Variants in MS4A8 observed in about 807,000 individuals in gnomAD.
MS4A8 encodes the protein membrane-spanning 4-domains subfamily A member 8.
In MS4A8, 27 loss-of-function variants were observed where a neutral mutation model predicts 23.7. That is an observed-to-expected ratio of 1.14 (90% CI 0.84 to 1.57). MS4A8 has a LOEUF of 1.57. Ranked by LOEUF, MS4A8 falls within the 40% of genes most tolerant of loss-of-function variation. MS4A8 has a pLI of 0.00. For missense variants in MS4A8, 301 were observed against 311.4 expected, an observed-to-expected ratio of 0.97 and a Z score of 0.25; for synonymous variants, 138 against 126.3, an observed-to-expected ratio of 1.09 and a Z score of -0.62.
intron 5 of MS4A8, chr11:60,712,508 T>C: frequency 3.0e-6 from 3 of 985,050 alleles, no homozygotes; most frequent in Non-Finnish European, 3.6e-6. Flanking sequence ...ATTGAGATAA[T>C]TGAGGCCGGT....
chr11:60,701,769 C>T (rs2088206730), intron 2 of MS4A8, among the ~76,000 whole-genome samples: 1 of 152,172 alleles, frequency 6.6e-6, no homozygotes, highest in South Asian at 2.1e-4. Flanking sequence ...TATGTATGAG[C>T]TTATTCATTG....
At chr11:60,710,774 C>T (rs1165688223) in intron 5 of MS4A8, among the ~76,000 whole-genome samples, 1 of 152,306 alleles carries the variant, frequency 6.6e-6, no homozygotes, top group East Asian at 1.9e-4. Context: ...GTGCCCCCCG[C>T]CCCTGGCTCT....
intron 4 of MS4A8, among the ~76,000 whole-genome samples, chr11:60,708,174 T>C (rs1176260181): frequency 6.6e-6 from 1 of 152,090 alleles, no homozygotes; most frequent in East Asian, 1.9e-4. Context: ...AGAACACTTC[T>C]CCCATGATAT....
intron 5 of MS4A8, among the ~76,000 whole-genome samples, chr11:60,711,116 T>C (rs2088296917): frequency 6.6e-6 from 1 of 152,226 alleles, no homozygotes; most frequent in Non-Finnish European, 1.5e-5. Context: ...TTACTGCCTG[T>C]CCCTAGAATG....
chr11:60,707,324 G>T (rs947988776), intron 4 of MS4A8, among the ~76,000 whole-genome samples: 10 of 152,308 alleles, frequency 6.6e-5, no homozygotes, highest in African/African-American at 2.4e-4. Context: ...GAGAGAGAGA[G>T]AGAGAGAGAT....
At chr11:60,714,691 G>A (rs919453769) in intron 5 of MS4A8, among the ~76,000 whole-genome samples, 7 of 151,722 alleles carry the variant, frequency 4.6e-5, no homozygotes, top group Non-Finnish European at 8.8e-5. Context: ...TCCTACCGAC[G>A]GCCTCCCCAG....
At position 60,703,424 on chromosome 11, in the gene MS4A8, T is replaced by A; in HGVS notation, c.266T>A (p.Ile89Asn). ...IGLAHIGLGS[I>N]MATVLVGEYL... The stretch of plus-strand genomic sequence containing the variant: ...CTGGCTCACATCGGCCTCGGCTCCA[T>A]CATGGCGACGGTTCTCGTAGGGGAA... The change falls in exon 3 of 7, where the codon ATC (isoleucine) becomes AAC (asparagine). Residue 89 changes from isoleucine to asparagine, a missense_variant. Physicochemically the swap from Ile to Asn is moderately radical, Grantham distance 149. Coordinates refer to ENST00000300226, the MANE Select transcript of MS4A8 (RefSeq NM_031457.2). 1.9e-6 allele frequency: 3 copies of A among 1,604,758 alleles called. No homozygotes were observed. The highest frequency in any genetic ancestry group is 2.6e-6 in the Non-Finnish European group (3 of 1,176,308).
In MS4A8 at chr11:60,703,395, T is replaced by C; in HGVS notation, c.237T>C (p.Ile79=). The change falls in exon 3 of 7, where the codon ATT becomes ATC. Residue 79 remains isoleucine, a synonymous_variant. Transcript: ENST00000300226. ...CCTGACAGGCCATCCAGATCATCAT[T>C]GGCCTGGCTCACATCGGCCTCGGCT... is the stretch of plus-strand genomic sequence containing the variant. ...GKTLGAIQII[I]GLAHIGLGSI... 6.3e-7 allele frequency: 1 copy of C among 1,591,410 alleles called. No homozygotes were observed. The highest frequency in any genetic ancestry group is 1.1e-5 in the South Asian group (1 of 87,506).
intron 2 of MS4A8, chr11:60,701,505 C>G: frequency 2.8e-6 from 1 of 358,680 alleles, no homozygotes. Context: ...ATGGTCACCG[C>G]AACCCCTGAG....
intron 5 of MS4A8, among the ~76,000 whole-genome samples, chr11:60,712,719 A>G (rs770508105): frequency 8.6e-5 from 13 of 151,980 alleles, no homozygotes; most frequent in Non-Finnish European, 1.9e-4. Flanking sequence ...GCTTCAACCC[A>G]GGAGGCGGAG....
intron 5 of MS4A8, 27 bp from the exon 6 acceptor site, chr11:60,714,994 T>C (rs761804325): frequency 1.3e-6 from 2 of 1,546,436 alleles, no homozygotes; most frequent in Non-Finnish European, 1.8e-6. Context: ...CCCGTGCTCC[T>C]GTCCTCCCCA....
intron 5 of MS4A8, 141 bp downstream of exon 5, chr11:60,708,922 A>G: frequency 9.9e-7 from 1 of 1,009,178 alleles, no homozygotes; most frequent in Non-Finnish European, 1.5e-6. Flanking sequence ...AACAAATTTT[A>G]AAGTCCTTGA....
intron 2 of MS4A8, 77 bp downstream of exon 2, chr11:60,701,156 T>C: frequency 7.3e-7 from 1 of 1,365,760 alleles, no homozygotes; most frequent in Non-Finnish European, 1.0e-6. Context: ...GCCTGGGAAA[T>C]ACACAAACAC....
chr11:60,708,307 C>T (rs1377997281), intron 4 of MS4A8, among the ~76,000 whole-genome samples: 1 of 152,160 alleles, frequency 6.6e-6, no homozygotes, highest in Admixed American at 6.5e-5. Context: ...TTACCTTTGC[C>T]CAACCCAGCT....
In MS4A8 at chr11:60,715,758, A is replaced by G. The variant is rs1013823601; in HGVS notation, c.*344A>G. ...AGAGGAACAAATATCTAGACATTCA[A>G]TCTTCACTCTTTCAATTGTGCATTC... is the stretch of plus-strand genomic sequence containing the variant. On this transcript the variant is annotated 3_prime_UTR_variant, in exon 7 of 7. Coordinates refer to ENST00000300226, the MANE Select transcript of MS4A8 (RefSeq NM_031457.2). 2 of 294,928 alleles carry G rather than the reference A, an allele frequency of 6.8e-6. No homozygotes were observed. The highest frequency in any genetic ancestry group is 1.3e-5 in the Non-Finnish European group (2 of 155,356). The allele number at this position is 294,928 out of a possible 1,614,324, so 18.3% of individuals were successfully genotyped here.
At chr11:60,715,287 C>A (rs1351442107) in intron 6 of MS4A8, 23 bp from the exon 7 acceptor site, 2 of 1,604,428 alleles carry the variant, frequency 1.2e-6, no homozygotes, top group East Asian at 2.2e-5. Flanking sequence ...TTAGCATGCC[C>A]CCTGTGTGCC....
At chr11:60,706,364 C>T (rs907424398) in intron 3 of MS4A8, among the ~76,000 whole-genome samples, 5 of 152,126 alleles carry the variant, frequency 3.3e-5, no homozygotes, top group South Asian at 2.1e-4. Flanking sequence ...TCATCATCCT[C>T]GTATTTGATG....
chr11:60,703,336 C>T (rs1005478826), intron 2 of MS4A8, 42 bp from the exon 3 acceptor site: 9 of 1,493,080 alleles, frequency 6.0e-6, no homozygotes, highest in Admixed American at 2.6e-5. Context: ...AGGCAGGACC[C>T]AGCCTCAGAA....
intron 5 of MS4A8, among the ~76,000 whole-genome samples, chr11:60,710,517 A>G (rs2088291846): frequency 6.6e-6 from 1 of 152,140 alleles, no homozygotes; most frequent in Non-Finnish European, 1.5e-5. Context: ...AAATGCATTC[A>G]GAATCCCACC....
Sources: gnomAD v4.1 joint callset for allele counts (sites outside exome capture counted in the v4.1 genomes callset) on GRCh38, gnomAD v4.1.1 for gene constraint, MANE v1.5 for transcripts, NCBI Gene and HGNC (gene_info 2026-07-23, HGNC 2026-07-21) for gene names.